BFSP1: variants seen among roughly 807,000 people sequenced by gnomAD.
The protein encoded by BFSP1 is beaded filament structural protein 1.
BFSP1 carries 38 observed loss-of-function variants against 43.9 expected under a neutral mutation model. That is an observed-to-expected ratio of 0.87 (90% CI 0.67 to 1.14). The LOEUF is 1.14. BFSP1 is among the 50% of genes most tolerant of loss of function. The pLI is 0.00. For synonymous variants in BFSP1, 352 were observed against 354.8 expected, an observed-to-expected ratio of 0.99 and a Z score of 0.09; for missense variants, 850 against 875.1, an observed-to-expected ratio of 0.97 and a Z score of 0.36.
intron 1 of BFSP1, among the ~76,000 whole-genome samples, chr20:17,553,023 G>A (rs1394082417): frequency 1.3e-5 from 2 of 152,172 alleles, no homozygotes; most frequent in East Asian, 1.9e-4. Context: ...AGAGTAAAGA[G>A]AAGAAGTCTA....
At chr20:17,548,751 A>G (rs1023916236) in intron 1 of BFSP1, among the ~76,000 whole-genome samples, 1 of 152,220 alleles carries the variant, frequency 6.6e-6, no homozygotes, top group African/African-American at 2.4e-5. Flanking sequence ...GTATTTTTAC[A>G]AAAGAAAACA....
upstream of BFSP1, among the ~76,000 whole-genome samples, chr20:17,533,965 C>T (rs1199542147): frequency 2.6e-5 from 4 of 152,144 alleles, no homozygotes; most frequent in Non-Finnish European, 5.9e-5. Context: ...ATCTGGACAA[C>T]TTCTAAAATA....
At position 17,494,785 on chromosome 20, in the gene BFSP1, C is replaced by CTCTTGTGTCCA. The variant is rs775026510; in HGVS notation, c.1286_1287insTGGACACAAGA (p.Glu429AspfsTer13). On this transcript the variant is annotated frameshift_variant, in exon 8 of 8. Coordinates refer to ENST00000377873, the MANE Select transcript of BFSP1 (RefSeq NM_001195.5). LOFTEE classifies it low-confidence loss of function (END_TRUNC). ...TTATCTGCCCTCCATCTGGCACATC[C>CTCTTGTGTCCA]TCTGGAGCCCCTTCTTGTGTCAGGG... 12 of 1,614,056 alleles carry CTCTTGTGTCCA rather than the reference C, an allele frequency of 7.4e-6. 1 individual carries two copies. In the Admixed American group the frequency reaches 2.0e-4, roughly 27 times the overall value.
chr20:17,530,807 G>T, intron 1 of BFSP1, 146 bp downstream of exon 1: 2 of 875,398 alleles, frequency 2.3e-6, no homozygotes, highest in Non-Finnish European at 3.1e-6. Flanking sequence ...AAGGAAATGT[G>T]CCACCTGCGT....
intron 1 of BFSP1, chr20:17,565,733 G>A (rs1175402775): frequency 1.3e-5 from 2 of 152,178 alleles, no homozygotes; most frequent in East Asian, 3.8e-4. Context: ...AAGAGAGAAG[G>A]TGCTCAAAGG....
chr20:17,537,568 C>CAA (rs901895418), intron 1 of BFSP1, among the ~76,000 whole-genome samples: 8,701 of 63,538 alleles, frequency 0.14, 416 homozygotes, highest in East Asian at 0.35. Context: ...ACTGAAGCAC[C>CAA]AAAAAAAAAA....
intron 5 of BFSP1, among the ~76,000 whole-genome samples, chr20:17,502,991 TG>T (rs1246108352): frequency 6.6e-6 from 1 of 152,056 alleles, no homozygotes; most frequent in Non-Finnish European, 1.5e-5. Context: ...TGTTGAGGGA[TG>T]GGGCGGGAGG....
chr20:17,547,026 CAAAAAAAA>C (rs11324389), intron 1 of BFSP1, among the ~76,000 whole-genome samples: 1 of 77,592 alleles, frequency 1.3e-5, no homozygotes, highest in Non-Finnish European at 2.5e-5. Context: ...GACTCCATCT[CAAAAAAAA>C]AAAAAAAAAA....
intron 2 of BFSP1, chr20:17,516,825 AGTG>A: frequency 1.7e-6 from 1 of 602,126 alleles, no homozygotes; most frequent in South Asian, 2.0e-5. Flanking sequence ...AGCCACCTGC[AGTG>A]GAGCTGCCAC....
intron 2 of BFSP1, among the ~76,000 whole-genome samples, chr20:17,518,459 C>T (rs2034249995): frequency 6.6e-6 from 1 of 152,190 alleles, no homozygotes; most frequent in Non-Finnish European, 1.5e-5. Context: ...GTTTCTTCTT[C>T]CAGAAGGCGT....
intron 5 of BFSP1, among the ~76,000 whole-genome samples, chr20:17,501,778 C>T (rs1346802608): frequency 6.6e-6 from 1 of 152,188 alleles, no homozygotes; most frequent in African/African-American, 2.4e-5. Context: ...AAGATGACCC[C>T]ACTCTCCTGT....
rs569819975 is a variant in BFSP1 at position 17,515,390 on chromosome 20, T to C, written c.439-574A>G. 1.3e-4 allele frequency among the ~76,000 whole-genome samples: 20 copies of C among 152,356 alleles called. No homozygotes were observed. The South Asian group carries it at 4.1e-3, about 32-fold the overall frequency. On this transcript the variant is annotated intron_variant, in intron 2 of 7. Coordinates refer to ENST00000377873, the MANE Select transcript of BFSP1 (RefSeq NM_001195.5). ...AATTGTTTTCCCTTAAATCCTGAAA[T>C]CTGTATTCTAGCAGTTTTCTCCCAA...
At position 17,507,042 on chromosome 20, in the gene BFSP1, A is replaced by T. The variant is rs750664393; in HGVS notation, c.735+1847T>A. 2 of 152,138 alleles carry T rather than the reference A, an allele frequency of 1.3e-5. No homozygotes were observed. Among genetic ancestry groups the T allele is most frequent in the African/African-American group, 2.4e-5 (1 of 41,430 alleles). 9.4% of individuals were successfully genotyped at this position (152,138 alleles called of 1,614,324 possible). On this transcript the variant is annotated intron_variant, in intron 5 of 7. Coordinates refer to ENST00000377873, the MANE Select transcript of BFSP1 (RefSeq NM_001195.5). The surrounding 1 kb of genome is among the most constrained non-coding windows in gnomAD (Gnocchi z 4.4). ...GGCGGCCAACCAGCGGTTTCATTTC[A>T]TGTTCTCAGAAACCAGGTTAATCTG...
intron 6 of BFSP1, among the ~76,000 whole-genome samples, chr20:17,497,453 T>TACAC (rs1476143304): frequency 3.3e-4 from 9 of 27,354 alleles, no homozygotes; most frequent in African/African-American, 2.2e-3. Context: ...TGTATGTATA[T>TACAC]ATATATACAC....
In BFSP1 at chr20:17,498,953, G is replaced by C. The variant is rs34687819; in HGVS notation, c.823C>G (p.Arg275Gly). 1 of 1,614,012 alleles carries C rather than the reference G, an allele frequency of 6.2e-7. No individual in the cohort carries two copies. Among genetic ancestry groups the C allele is most frequent in the African/African-American group, 1.3e-5 (1 of 74,894 alleles). Reference protein sequence around the residue: ...QLYNEQIETLRKEIEETERVL... With the variant: ...QLYNEQIETLGKEIEETERVL... ...CGCTCTGTCTCCTCAATCTCCTTGC[G>C]CAGTGTCTCAATCTGCTCGTTATAA... The change falls in exon 6 of 8, where the codon CGC becomes GGC. Residue 275 changes from arginine to glycine, a missense_variant. Arg to Gly is a moderately radical substitution (Grantham distance 125). Coordinates refer to ENST00000377873, the MANE Select transcript of BFSP1 (RefSeq NM_001195.5).
intron 1 of BFSP1, among the ~76,000 whole-genome samples, chr20:17,528,933 G>C (rs1389947778): frequency 6.6e-6 from 1 of 152,236 alleles, no homozygotes; most frequent in Non-Finnish European, 1.5e-5. Context: ...TGGCTGGAAT[G>C]ACCAGTGGCA....
upstream of BFSP1, among the ~76,000 whole-genome samples, chr20:17,535,617 C>T (rs118042314): frequency 1.5e-3 from 222 of 151,984 alleles, no homozygotes; most frequent in Non-Finnish European, 2.4e-3. Context: ...AATAAAATGA[C>T]ATGTATAAAT....
At chr20:17,566,796 G>A (rs1401417529) in intron 1 of BFSP1, among the ~76,000 whole-genome samples, 2 of 152,172 alleles carry the variant, frequency 1.3e-5, no homozygotes, top group African/African-American at 4.8e-5. Context: ...TGAGATTACA[G>A]GTGCCTGCCA....
At chr20:17,520,883 A>G (rs2034307656) in intron 2 of BFSP1, among the ~76,000 whole-genome samples, 1 of 152,234 alleles carries the variant, frequency 6.6e-6, no homozygotes, top group Non-Finnish European at 1.5e-5. Flanking sequence ...TGCTTTCCAC[A>G]GGCACGTTTA....
Sources: gnomAD v4.1 joint callset for allele counts (sites outside exome capture counted in the v4.1 genomes callset) on GRCh38, gnomAD v4.1.1 for gene constraint, Gnocchi (gnomAD v3.1) non-coding constraint, MANE v1.5 for transcripts, NCBI Gene and HGNC (gene_info 2026-07-23, HGNC 2026-07-21) for gene names.